ARSG: variants seen among roughly 807,000 people sequenced by gnomAD.
ARSG encodes the protein arylsulfatase G.
A neutral mutation model predicts 50.5 loss-of-function variants in ARSG; 37 were observed. That is an observed-to-expected ratio of 0.73 (90% CI 0.56 to 0.96). The LOEUF (loss-of-function observed/expected upper bound fraction) is 0.96. Among genes scored for constraint, ARSG ranks in the 50% least tolerant of loss-of-function variants. The pLI is 0.00. For synonymous variants in ARSG, 225 were observed against 254.6 expected, an observed-to-expected ratio of 0.88 and a Z score of 1.11; for missense variants, 629 against 675.3, an observed-to-expected ratio of 0.93 and a Z score of 0.76.
At chr17:68,402,199 C>A (rs928172375) in intron 11 of ARSG, among the ~76,000 whole-genome samples, 2 of 152,114 alleles carry the variant, frequency 1.3e-5, no homozygotes, top group Non-Finnish European at 1.5e-5. Context: ...TTTAGGTACA[C>A]GTCTTATTTC....
chr17:68,381,574 T>A lies in ARSG; in HGVS notation c.983-3490T>A. On this transcript the variant is annotated intron_variant, in intron 8 of 11. Transcript: ENST00000621439. The surrounding 1 kb of genome is among the most constrained non-coding windows in gnomAD (Gnocchi z 4.1). ...ATTGTTCTTACTATGACTTATAAGG[T>A]CATATTTATGATGCTATGGCATAGA... Among the ~76,000 whole-genome samples, 1 of 152,154 alleles carries A rather than the reference T, an allele frequency of 6.6e-6. No individual in the cohort carries two copies. The highest frequency in any genetic ancestry group is 1.9e-4 in the East Asian group (1 of 5,188).
intron 2 of ARSG, among the ~76,000 whole-genome samples, chr17:68,319,913 C>T (rs1260782038): frequency 2.0e-5 from 3 of 152,206 alleles, no homozygotes; most frequent in Non-Finnish European, 4.4e-5. Flanking sequence ...ATAGATTGGT[C>T]TCAGTCAAGA....
downstream of ARSG, chr17:68,421,781 G>C: frequency 6.2e-7 from 1 of 1,614,196 alleles, no homozygotes; most frequent in Non-Finnish European, 8.5e-7. Flanking sequence ...CATCATGACT[G>C]CTTCGTTTTG....
At chr17:68,290,493 T>C (rs2145218607), upstream of ARSG, among the ~76,000 whole-genome samples, 1 of 152,336 alleles carries the variant, frequency 6.6e-6, no homozygotes, top group East Asian at 1.9e-4. Flanking sequence ...CTGACAGTTC[T>C]GACAGTCCAG....
intron 4 of ARSG, among the ~76,000 whole-genome samples, chr17:68,350,420 A>G (rs1056070360): frequency 2.0e-5 from 3 of 152,166 alleles, no homozygotes; most frequent in Non-Finnish European, 4.4e-5. Flanking sequence ...TACCTGGGTA[A>G]TTGGGGAAGG....
intron 10 of ARSG, among the ~76,000 whole-genome samples, chr17:68,395,566 G>A (rs929779440): frequency 2.0e-5 from 3 of 152,210 alleles, no homozygotes; most frequent in Non-Finnish European, 4.4e-5. Context: ...AAAAGGTGAA[G>A]CATTTGAGAT....
chr17:68,391,614 T>G (rs1402536325), intron 9 of ARSG, among the ~76,000 whole-genome samples: 4 of 152,212 alleles, frequency 2.6e-5, no homozygotes, highest in African/African-American at 9.6e-5. Context: ...GACCCATCTG[T>G]GACGCTGATC....
At chr17:68,287,131 G>A (rs1384581993), upstream of ARSG, among the ~76,000 whole-genome samples, 3 of 152,074 alleles carry the variant, frequency 2.0e-5, no homozygotes, top group Non-Finnish European at 2.9e-5. Flanking sequence ...TTACAGGCAT[G>A]CGCCACCATG....
rs563546114 is a variant in ARSG, at chr17:68,305,796, G to C, written c.-551-1147G>C. On this transcript the variant is annotated intron_variant, in intron 1 of 11. Transcript: ENST00000621439. ...TCTGTCAAGAATTTTGGCTGGGCCT[G>C]GGTGTGGTGGCTCACACCTGTAATC... Among the ~76,000 whole-genome samples, 9 of 152,142 alleles carry C rather than the reference G, an allele frequency of 5.9e-5. No homozygotes were observed. The South Asian group carries it at 1.9e-3, about 32-fold the overall frequency.
At chr17:68,446,236 A>G in the ARSG span, among the ~76,000 whole-genome samples, 1 of 151,760 alleles carries the variant, frequency 6.6e-6, no homozygotes, top group Non-Finnish European at 1.5e-5. Flanking sequence ...GCTGCAGTGC[A>G]GTGGCAGGAT....
chr17:68,275,397 A>G (rs2075481964), intron 1 of ARSG, among the ~76,000 whole-genome samples: 1 of 152,184 alleles, frequency 6.6e-6, no homozygotes, highest in African/African-American at 2.4e-5. Context: ...CTATTAGAAT[A>G]CAAAGTAATC....
At chr17:68,324,886 A>G (rs2077441895) in intron 2 of ARSG, among the ~76,000 whole-genome samples, 1 of 152,176 alleles carries the variant, frequency 6.6e-6, no homozygotes, top group South Asian at 2.1e-4. Context: ...TTCCCAACAC[A>G]CAGGTATACA....
intron 8 of ARSG, among the ~76,000 whole-genome samples, chr17:68,380,802 T>A (rs1380072072): frequency 2.0e-5 from 3 of 152,150 alleles, no homozygotes; most frequent in African/African-American, 7.2e-5. Context: ...AAGGGTCAAC[T>A]GTACAATCGT....
chr17:68,261,101 T>A (rs2075065678), intron 1 of ARSG, among the ~76,000 whole-genome samples: 1 of 152,212 alleles, frequency 6.6e-6, no homozygotes, highest in Non-Finnish European at 1.5e-5. Context: ...GCTTTCAGTG[T>A]CCTATGGTTA....
intron 2 of ARSG, among the ~76,000 whole-genome samples, chr17:68,310,396 C>T (rs1344895127): frequency 5.9e-5 from 9 of 152,092 alleles, no homozygotes; most frequent in Non-Finnish European, 1.0e-4. Context: ...TTATGAAAGG[C>T]GTGGCTTACA....
Position 68,420,600 on chromosome 17 carries a change from C to A in ARSG, c.*137C>A. ...TAGTTTTGGAGTTAGCCTTGCATAT[C>A]CCTTCTGTATCCTGTCCCTCCTCCA... On this transcript the variant is annotated 3_prime_UTR_variant, in exon 12 of 12. Coordinates refer to ENST00000621439, the MANE Select transcript of ARSG (RefSeq NM_001267727.2). The A allele has an allele frequency of 9.6e-7, 1 of 1,037,156 alleles. No individual in the cohort carries two copies. Among genetic ancestry groups the A allele is most frequent in the Non-Finnish European group, 1.4e-6 (1 of 703,986 alleles). The allele number at this position is 1,037,156 out of a possible 1,614,324, so 64.2% of individuals were successfully genotyped here. A position where few individuals can be genotyped will look rare whatever the true frequency, so the allele number is the denominator to read the frequency against.
Position 68,278,063 on chromosome 17 carries a change from A to G in ARSG, c.-552+18637A>G, listed in dbSNP as rs781920926. 5.0e-5 allele frequency: 77 copies of G among 1,543,564 alleles called. No homozygotes were observed. In the South Asian group the frequency reaches 8.3e-4, roughly 17 times the overall value. On this transcript the variant is annotated intron_variant, in intron 1 of 11. Coordinates refer to the ARSG transcript ENST00000448504. ...ATTAAAAGGGCCCTATACTTACGTC[A>G]TGGTTAGGCCGAAAGATGTACTAAC...
the ARSG span, among the ~76,000 whole-genome samples, chr17:68,448,851 C>A: frequency 2.0e-5 from 3 of 152,194 alleles, no homozygotes; most frequent in Non-Finnish European, 2.9e-5. Flanking sequence ...TAAAAGCCTT[C>A]AATCAGAAAA....
At chr17:68,354,419 A>AG (rs2078942309) in intron 5 of ARSG, among the ~76,000 whole-genome samples, 2 of 148,016 alleles carry the variant, frequency 1.4e-5, no homozygotes, top group Admixed American at 6.8e-5. Flanking sequence ...TCTCAAAAAA[A>AG]AAAAAAAAGA....
Sources: allele counts gnomAD v4.1 joint callset (sites outside exome capture counted in the v4.1 genomes callset), GRCh38; gene constraint gnomAD v4.1.1; non-coding constraint Gnocchi (gnomAD v3.1); transcripts MANE v1.5; gene names NCBI Gene and HGNC (gene_info 2026-07-23, HGNC 2026-07-21).